TAFA5: variants seen among roughly 807,000 people sequenced by gnomAD.
TAFA5 encodes the protein chemokine-like protein TAFA-5.
In TAFA5, 6 loss-of-function variants were observed where a neutral mutation model predicts 15.3. The observed-to-expected ratio is 0.39, with a 90% CI of 0.21 to 0.77. The LOEUF (loss-of-function observed/expected upper bound fraction) is 0.77, where lower values mean the gene tolerates loss of function less well. Among genes scored for constraint, TAFA5 ranks in the 30% least tolerant of loss-of-function variants. The pLI is 0.41. For missense variants in TAFA5, 161 were observed against 193.1 expected, an observed-to-expected ratio of 0.83 and a Z score of 0.98; for synonymous variants, 103 against 80.7, an observed-to-expected ratio of 1.28 and a Z score of -1.48.
At chr22:48,504,864 AG>A (rs2147097890) in intron 1 of TAFA5, among the ~76,000 whole-genome samples, 1 of 152,236 alleles carries the variant, frequency 6.6e-6, no homozygotes, top group Non-Finnish European at 1.5e-5. Flanking sequence ...GGTGGGGCAG[AG>A]GGGCTGCAGG....
chr22:48,579,923 T>C (rs2147145178), intron 1 of TAFA5, among the ~76,000 whole-genome samples: 1 of 152,300 alleles, frequency 6.6e-6, no homozygotes, highest in East Asian at 1.9e-4. Context: ...AGTGCCTCTT[T>C]CCTTTAAATG....
At chr22:48,493,463 C>T (rs187727510) in intron 1 of TAFA5, among the ~76,000 whole-genome samples, 1 of 152,192 alleles carries the variant, frequency 6.6e-6, no homozygotes, top group Admixed American at 6.5e-5. Context: ...TTTATAAATA[C>T]AATTTATTGC....
chr22:48,750,234 G>A lies in TAFA5; in HGVS notation c.*387G>A, dbSNP rs988335031. 9.5e-6 allele frequency: 3 copies of A among 316,294 alleles called. No individual in the cohort carries two copies. Among genetic ancestry groups the A allele is most frequent in the Admixed American group, 4.7e-5 (1 of 21,390 alleles). 19.6% of individuals were successfully genotyped at this position (316,294 alleles called of 1,614,324 possible). A position where few individuals can be genotyped will look rare whatever the true frequency, so the allele number is the denominator to read the frequency against. On this transcript the variant is annotated 3_prime_UTR_variant, in exon 4 of 4. Coordinates refer to ENST00000402357, the MANE Select transcript of TAFA5 (RefSeq NM_001082967.3). ...CGCCTGAGACACGACGCCTGCCCCA[G>A]GGGACTGTCAGGCACAGAAGCGGCC...
intron 1 of TAFA5, among the ~76,000 whole-genome samples, chr22:48,631,264 C>T (rs1032576884): frequency 7.2e-5 from 11 of 152,336 alleles, no homozygotes; most frequent in African/African-American, 2.6e-4. Flanking sequence ...TCAGGCTCCC[C>T]TGGCAGGAGC....
At chr22:48,507,410 C>T (rs934547554) in intron 1 of TAFA5, among the ~76,000 whole-genome samples, 2 of 152,200 alleles carry the variant, frequency 1.3e-5, no homozygotes, top group South Asian at 2.1e-4. Flanking sequence ...CTCCTGTGAA[C>T]CCCCAACCCG....
At chr22:48,719,197 G>A (rs935708559) in intron 3 of TAFA5, among the ~76,000 whole-genome samples, 1 of 152,214 alleles carries the variant, frequency 6.6e-6, no homozygotes, top group Non-Finnish European at 1.5e-5. Context: ...TCCCAAGGCC[G>A]GCTCACCTTC....
chr22:48,584,218 C>T (rs1601595463), intron 1 of TAFA5, among the ~76,000 whole-genome samples: 1 of 148,704 alleles, frequency 6.7e-6, no homozygotes, highest in East Asian at 2.0e-4. Context: ...CAAAATACAC[C>T]ACATACACCA....
At chr22:48,737,604 A>G (rs11912300) in intron 3 of TAFA5, among the ~76,000 whole-genome samples, 126 of 152,322 alleles carry the variant, frequency 8.3e-4, no homozygotes, top group African/African-American at 2.4e-3. Flanking sequence ...GAGCTGCACC[A>G]TGGCACAGCA....
intron 1 of TAFA5, among the ~76,000 whole-genome samples, chr22:48,614,457 G>T (rs548325754): frequency 6.6e-6 from 1 of 152,202 alleles, no homozygotes; most frequent in South Asian, 2.1e-4. Flanking sequence ...TGGTTTGCAC[G>T]ACACTTGCTG....
intron 1 of TAFA5, among the ~76,000 whole-genome samples, chr22:48,599,498 G>A (rs28650496): frequency 0.36 from 54,286 of 152,190 alleles, 10,484 homozygotes; most frequent in East Asian, 0.55. Context: ...CTCAGCAGCC[G>A]CTGATCAGAC....
chr22:48,538,202 C>T (rs1168748019), intron 1 of TAFA5, among the ~76,000 whole-genome samples: 1 of 151,726 alleles, frequency 6.6e-6, no homozygotes, highest in African/African-American at 2.4e-5. Context: ...TATTGACTAC[C>T]TGGCGCTCTA....
chr22:48,557,192 T>C (rs774238394), intron 1 of TAFA5, among the ~76,000 whole-genome samples: 101 of 152,292 alleles, frequency 6.6e-4, no homozygotes, highest in Non-Finnish European at 1.2e-3. Flanking sequence ...AGAACATGAC[T>C]GTACTTGGAG....
intron 3 of TAFA5, among the ~76,000 whole-genome samples, chr22:48,737,988 G>A (rs562003318): frequency 6.6e-6 from 1 of 151,780 alleles, no homozygotes; most frequent in Non-Finnish European, 1.5e-5. Flanking sequence ...GGATGCTGTT[G>A]GGGGGGCTCT....
chr22:48,619,946 C>T (rs1304205093), intron 1 of TAFA5, among the ~76,000 whole-genome samples: 5 of 152,240 alleles, frequency 3.3e-5, no homozygotes, highest in East Asian at 1.9e-4. Context: ...GGCCTGGGGG[C>T]GTCGGCCCTC....
chr22:48,507,613 G>A (rs2050933883), intron 1 of TAFA5, among the ~76,000 whole-genome samples: 1 of 152,346 alleles, frequency 6.6e-6, no homozygotes, highest in South Asian at 2.1e-4. Context: ...GCCCCAGAAA[G>A]GGCCTGTTTC....
At chr22:48,706,897 A>G (rs1929095447) in intron 2 of TAFA5, among the ~76,000 whole-genome samples, 2 of 152,166 alleles carry the variant, frequency 1.3e-5, no homozygotes, top group Non-Finnish European at 2.9e-5. Context: ...GTGGAGAGTA[A>G]TCTCCAGTCT....
chr22:48,511,186 G>A (rs978882780), intron 1 of TAFA5, among the ~76,000 whole-genome samples: 3 of 152,236 alleles, frequency 2.0e-5, no homozygotes, highest in Admixed American at 2.0e-4. Flanking sequence ...TGACTCCCCT[G>A]TCGCTTCTTC....
At chr22:48,626,888 T>C (rs1337567521) in intron 1 of TAFA5, among the ~76,000 whole-genome samples, 1 of 152,226 alleles carries the variant, frequency 6.6e-6, no homozygotes, top group Non-Finnish European at 1.5e-5. Flanking sequence ...GGCGTTTAGA[T>C]ACCATTTTTC....
At chr22:48,654,946 G>A (rs1927184458) in intron 2 of TAFA5, among the ~76,000 whole-genome samples, 1 of 152,202 alleles carries the variant, frequency 6.6e-6, no homozygotes, top group African/African-American at 2.4e-5. Context: ...GGGCAGCCTA[G>A]GCCTATGGGG....
Sources: gnomAD v4.1 joint callset for allele counts (sites outside exome capture counted in the v4.1 genomes callset) on GRCh38, gnomAD v4.1.1 for gene constraint, MANE v1.5 for transcripts, NCBI Gene and HGNC (gene_info 2026-07-23, HGNC 2026-07-21) for gene names.